UGT2B11: variants seen among roughly 807,000 people sequenced by gnomAD.
The protein encoded by UGT2B11 is UDP-glucuronosyltransferase 2B11.
UGT2B11 carries 49 observed loss-of-function variants against 51.7 expected under a neutral mutation model. The ratio of observed to expected loss-of-function variants is 0.95; its 90% CI spans 0.75 to 1.20. The LOEUF is 1.20. Ranked by LOEUF, UGT2B11 falls within the 50% of genes most tolerant of loss-of-function variation. The probability of loss-of-function intolerance (pLI) is 0.00; values close to 1 mark genes in which losing one functional copy is unlikely to be tolerated. For missense variants in UGT2B11, 810 were observed against 622.1 expected, an observed-to-expected ratio of 1.30 and a Z score of -3.21; for synonymous variants, 273 against 209.0, an observed-to-expected ratio of 1.31 and a Z score of -2.64.
At chr4:69,208,857 T>A (rs535893599) in intron 2 of UGT2B11, among the ~76,000 whole-genome samples, 4 of 151,682 alleles carry the variant, frequency 2.6e-5, no homozygotes, top group Non-Finnish European at 5.9e-5. Context: ...GCTTTAATCC[T>A]ATGTTTTTGT....
At chr4:69,204,285 TA>T in intron 5 of UGT2B11, 144 bp downstream of exon 5, 1 of 1,312,670 alleles carries the variant, frequency 7.6e-7, no homozygotes, top group Non-Finnish European at 1.0e-6. Flanking sequence ...TAATAGATGA[TA>T]AAAACAAAGC....
At chr4:69,210,721 C>G (rs1034152710) in intron 2 of UGT2B11, among the ~76,000 whole-genome samples, 12 of 151,542 alleles carry the variant, frequency 7.9e-5, no homozygotes, top group Admixed American at 1.3e-4. Flanking sequence ...TTCAGCTTTT[C>G]TCTCTTGAGA....
At chr4:69,208,509 A>C in intron 2 of UGT2B11, 27 bp from the exon 3 acceptor site, 1 of 1,606,184 alleles carries the variant, frequency 6.2e-7, no homozygotes, top group Non-Finnish European at 8.5e-7. Flanking sequence ...GTTTCATCAC[A>C]AAAGAGTATC....
rs762463283 is a variant in UGT2B11, at chr4:69,200,575, C to G, written c.1455G>C (p.Trp485Cys). The G allele has an allele frequency of 6.2e-7, 1 of 1,612,388 alleles. No homozygotes were observed. Among genetic ancestry groups the G allele is most frequent in the Non-Finnish European group, 8.5e-7 (1 of 1,179,018 alleles). ...HLRVAAHDLT[W>C]FQYHSLDVIG... is the part of the protein sequence containing the mutation. Reference sequence around the variant, plus strand: ...TCACATCCAAAGAGTGGTACTGGAACCAGGTGAGGTCATGGGCTGCAACTC... The same window carrying G: ...TCACATCCAAAGAGTGGTACTGGAAGCAGGTGAGGTCATGGGCTGCAACTC... The change falls in exon 6 of 6, where the codon TGG becomes TGC. Residue 485 changes from tryptophan to cysteine, a missense_variant. Physicochemically the swap from Trp to Cys is radical, Grantham distance 215. Coordinates refer to ENST00000446444, the MANE Select transcript of UGT2B11 (RefSeq NM_001073.3).
intron 5 of UGT2B11, among the ~76,000 whole-genome samples, chr4:69,202,790 G>C (rs77353975): frequency 0.048 from 7,234 of 151,622 alleles, 210 homozygotes; most frequent in South Asian, 0.12. Context: ...GTCCAAGGTG[G>C]TTTGTGTTTC....
the UGT2B11 span, among the ~76,000 whole-genome samples, chr4:69,219,894 C>T: frequency 6.6e-6 from 1 of 152,088 alleles, no homozygotes; most frequent in Non-Finnish European, 1.5e-5. Context: ...ATATCAGGTC[C>T]TCACATTTCA....
chr4:69,218,150 T>C (rs1256600200), upstream of UGT2B11, among the ~76,000 whole-genome samples: 2 of 152,170 alleles, frequency 1.3e-5, no homozygotes, highest in Admixed American at 1.3e-4. Flanking sequence ...TCACAGGTGT[T>C]ATTTTCAATA....
intron 4 of UGT2B11, 77 bp downstream of exon 4, chr4:69,205,403 T>C (rs1258836640): frequency 1.3e-6 from 2 of 1,540,356 alleles, no homozygotes; most frequent in East Asian, 4.6e-5. Context: ...CTATAACAAA[T>C]ATTCAATAAG....
At chr4:69,214,771 C>T, upstream of UGT2B11, 1 of 1,582,008 alleles carries the variant, frequency 6.3e-7, no homozygotes, top group East Asian at 2.2e-5. Flanking sequence ...CTTTCTCATA[C>T]TTATATACAG....
intron 5 of UGT2B11, among the ~76,000 whole-genome samples, chr4:69,201,659 C>T (rs1721664032): frequency 6.6e-6 from 1 of 151,804 alleles, no homozygotes; most frequent in Admixed American, 6.6e-5. Context: ...AGGCATGTGT[C>T]TGTCCCTTTT....
At chr4:69,211,530 A>G (rs1236452566) in intron 2 of UGT2B11, among the ~76,000 whole-genome samples, 27 of 151,628 alleles carry the variant, frequency 1.8e-4, no homozygotes, top group Non-Finnish European at 5.9e-5. Context: ...TAATCACAAA[A>G]TAACCATAAT....
chr4:69,209,511 A>C (rs1356928016), intron 2 of UGT2B11, among the ~76,000 whole-genome samples: 1 of 151,726 alleles, frequency 6.6e-6, no homozygotes, highest in Non-Finnish European at 1.5e-5. Flanking sequence ...CCAATATTTA[A>C]ATTTAAGTAT....
Position 69,214,242 on chromosome 4 carries a change from C to T in UGT2B11, c.481G>A (p.Ala161Thr), listed in dbSNP as rs1186444414. 2 of 1,613,134 alleles carry T rather than the reference C, an allele frequency of 1.2e-6. No individual in the cohort carries two copies. The highest frequency in any genetic ancestry group is 1.7e-6 in the Non-Finnish European group (2 of 1,179,504). Residue 161 changes from alanine to threonine, a missense_variant, in exon 1 of 6, where the codon GCT becomes ACT. By Grantham distance (58) the Ala-to-Thr change is moderately conservative (BLOSUM62 0). Coordinates refer to ENST00000446444, the MANE Select transcript of UGT2B11 (RefSeq NM_001073.3). ...DAVFPCGELL[A>T]ALLNIRFVYS... is the part of the protein sequence containing the mutation. ...ACAAACCGTATGTTAAGTAGCGCAG[C>T]CAGCAGCTCACCACAGGGAAAAACA...
In UGT2B11 at chr4:69,208,213, G is replaced by A. The variant is rs183027603; in HGVS notation, c.1002+138C>T. ...AGGCACAACTATTACTTGTGTTGGT[G>A]GAAGCAACATAAGCATATTTAAGGA... On this transcript the variant is annotated intron_variant, in intron 3 of 5. Transcript: ENST00000446444. The A allele has an allele frequency of 1.1e-4, 160 of 1,491,326 alleles. No homozygotes were observed. The East Asian group carries it at 3.2e-3, about 30-fold the overall frequency. 92.4% of individuals were successfully genotyped at this position (1,491,326 alleles called of 1,614,324 possible).
At chr4:69,201,223 G>C (rs960136961) in intron 5 of UGT2B11, 5 of 152,018 alleles carry the variant, frequency 3.3e-5, no homozygotes, top group Non-Finnish European at 7.4e-5. Context: ...CTGTAAGAAA[G>C]ACTATGAAAA....
At chr4:69,200,974 A>G (rs1375761018) in intron 5 of UGT2B11, among the ~76,000 whole-genome samples, 1 of 150,152 alleles carries the variant, frequency 6.7e-6, no homozygotes, top group Non-Finnish European at 1.5e-5. Flanking sequence ...CAGAGAAAAT[A>G]TAAGGCATTT....
At chr4:69,205,402 A>G in intron 4 of UGT2B11, 78 bp downstream of exon 4, 3 of 1,540,290 alleles carry the variant, frequency 1.9e-6, no homozygotes, top group African/African-American at 1.4e-5. Flanking sequence ...CCTATAACAA[A>G]TATTCAATAA....
chr4:69,224,174 A>G, the UGT2B11 span, among the ~76,000 whole-genome samples: 25 of 152,116 alleles, frequency 1.6e-4, no homozygotes, highest in Non-Finnish European at 3.4e-4. Context: ...CATCCTGCCT[A>G]GTGGGAATAA....
chr4:69,201,748 C>G (rs538223238), intron 5 of UGT2B11, among the ~76,000 whole-genome samples: 246 of 151,772 alleles, frequency 1.6e-3, no homozygotes, highest in African/African-American at 5.3e-3. Flanking sequence ...TATTTTCTGT[C>G]CTTATTTTCT....
Sources: gnomAD v4.1 joint callset for allele counts (sites outside exome capture counted in the v4.1 genomes callset) on GRCh38, gnomAD v4.1.1 for gene constraint, MANE v1.5 for transcripts, NCBI Gene and HGNC (gene_info 2026-07-23, HGNC 2026-07-21) for gene names.